RBBP6: variants seen among roughly 807,000 people sequenced by gnomAD.
RBBP6 encodes the protein E3 ubiquitin-protein ligase RBBP6.
A neutral mutation model predicts 167.7 loss-of-function variants in RBBP6; 25 were observed. The observed-to-expected ratio is 0.15, with a 90% CI of 0.11 to 0.21. The LOEUF (loss-of-function observed/expected upper bound fraction) is 0.21. Among genes scored for constraint, RBBP6 ranks in the 10% least tolerant of loss-of-function variants. The probability of loss-of-function intolerance (pLI) is 1.00; values close to 1 mark genes in which losing one functional copy is unlikely to be tolerated. For missense variants in RBBP6, 1,868 were observed against 2,134.2 expected (o/e 0.88, Z 2.46); for synonymous variants, 789 against 735.8 (o/e 1.07, Z -1.17).
intron 1 of RBBP6, among the ~76,000 whole-genome samples, chr16:24,541,248 G>T (rs777850723): frequency 1.3e-5 from 2 of 149,012 alleles, no homozygotes; most frequent in Non-Finnish European, 3.0e-5. Flanking sequence ...GGAGTTTGAT[G>T]GCAAATTTTA....
At chr16:24,550,965 C>T (rs762737456) in intron 3 of RBBP6, among the ~76,000 whole-genome samples, 3 of 151,760 alleles carry the variant, frequency 2.0e-5, no homozygotes, top group Non-Finnish European at 4.4e-5. Context: ...GGCGCTAAGC[C>T]AAATTTTTCT....
intron 2 of RBBP6, among the ~76,000 whole-genome samples, chr16:24,548,180 G>A (rs1036070571): frequency 6.6e-6 from 1 of 152,014 alleles, no homozygotes; most frequent in Non-Finnish European, 1.5e-5. Context: ...TTCCTGTGTG[G>A]ATTAAAATAA....
chr16:24,551,592 T>C (rs1205424060), intron 3 of RBBP6, among the ~76,000 whole-genome samples: 4 of 151,664 alleles, frequency 2.6e-5, no homozygotes, highest in African/African-American at 9.7e-5. Flanking sequence ...ATAATACTAA[T>C]AAGTTAGCAG....
Position 24,563,493 on chromosome 16 carries a change from C to G in RBBP6, c.1457C>G (p.Pro486Arg). 6.2e-7 allele frequency: 1 copy of G among 1,613,118 alleles called. No homozygotes were observed. The highest frequency in any genetic ancestry group is 1.1e-5 in the South Asian group (1 of 91,010). ...GQSLLHGQLI[P>R]TTGPVRINTA... ...TCATTATTGCATGGACAGTTGATCC[C>G]CACAACTGGTGAGTAAGATCACTTT... Residue 486 changes from proline (P) to arginine (R), a missense_variant, in exon 12 of 18, where the codon CCC becomes CGC. Around this residue, in one of 7 missense-constraint regions of RBBP6, gnomAD observed 245 missense variants for 240.1 expected, o/e 1.02. Transcript: ENST00000319715.
chr16:24,570,359 A>T lies in RBBP6; in HGVS notation c.3669A>T (p.Glu1223Asp). The change falls in exon 17 of 18, where the codon GAA becomes GAT. Residue 1223 changes from glutamate to aspartate, a missense_variant. Glu to Asp is a conservative substitution (Grantham distance 45). Transcript: ENST00000319715. ...RETGKKIGST[E>D]NISNTKEPSE... ...CTGGGAAGAAAATTGGAAGTACAGA[A>T]AATATATCAAACACAAAAGAACCCT... The T allele has an allele frequency of 6.2e-7, 1 of 1,613,124 alleles. No individual in the cohort carries two copies. Among genetic ancestry groups the T allele is most frequent in the Admixed American group, 1.7e-5 (1 of 59,758 alleles).
chr16:24,542,413 G>A (rs1261452320), intron 1 of RBBP6, among the ~76,000 whole-genome samples: 1 of 151,776 alleles, frequency 6.6e-6, no homozygotes, highest in Non-Finnish European at 1.5e-5. Context: ...GAATCATTAG[G>A]GCTAGGCGTT....
chr16:24,571,656 A>G lies in RBBP6; in HGVS notation c.4590A>G (p.Lys1530=). The G allele has an allele frequency of 6.2e-7, 1 of 1,613,574 alleles. No individual in the cohort carries two copies. The highest frequency in any genetic ancestry group is 8.5e-7 in the Non-Finnish European group (1 of 1,179,906). The part of the protein sequence containing the change: ...DLPKKGTGDS[K]KSNSSPSRDR... ...CTAAAAAAGGAACAGGAGATTCCAA[A>G]AAAAGTAATTCTAGTCCCTCAAGAG... is the stretch of plus-strand genomic sequence containing the variant. Residue 1530 remains lysine, a synonymous_variant, in exon 18 of 18, where the codon AAA becomes AAG. Transcript: ENST00000319715.
chr16:24,539,901 C>T lies in RBBP6; in HGVS notation c.-726C>T, dbSNP rs892991466. ...TCCGAGGCCTCGCCGAGGCCTAGCG[C>T]CGGCTTTGTGTCCGAGGCGGCGGCG... On this transcript the variant is annotated 5_prime_UTR_variant, in exon 1 of 18. Transcript: ENST00000319715. 9.1e-5 allele frequency: 14 copies of T among 153,152 alleles called. No homozygotes were observed. Among genetic ancestry groups the T allele is most frequent in the African/African-American group, 3.4e-4 (14 of 41,584 alleles). 9.5% of individuals were successfully genotyped at this position (153,152 alleles called of 1,614,324 possible).
chr16:24,555,514 T>C, intron 4 of RBBP6, 101 bp from the exon 5 acceptor site: 2 of 865,526 alleles, frequency 2.3e-6, no homozygotes, highest in South Asian at 3.4e-5. Flanking sequence ...TATGCAAGAT[T>C]AGTTAGATAC....
chr16:24,551,937 A>G (rs1394011538), intron 3 of RBBP6, among the ~76,000 whole-genome samples: 1 of 151,806 alleles, frequency 6.6e-6, no homozygotes, highest in Non-Finnish European at 1.5e-5. Context: ...AACTTATTTT[A>G]GATAAAAAGA....
chr16:24,544,723 A>G (rs1201445805), intron 1 of RBBP6, among the ~76,000 whole-genome samples: 3 of 152,102 alleles, frequency 2.0e-5, no homozygotes, highest in Non-Finnish European at 2.9e-5. Context: ...GTTAAGGTCC[A>G]TTTTCTTAAT....
At chr16:24,544,290 G>A (rs936271702) in intron 1 of RBBP6, among the ~76,000 whole-genome samples, 2 of 152,098 alleles carry the variant, frequency 1.3e-5, no homozygotes, top group Non-Finnish European at 2.9e-5. Context: ...AAGCTTCCTC[G>A]GAATTTGGGG....
Position 24,540,394 on chromosome 16 carries a change from C to G in RBBP6, c.-233C>G. ...GCGGATTCTCGATTTCCCCTCTTCC[C>G]CGTCCTCGTCCTCCTCCTCCCCCAT... On this transcript the variant is annotated 5_prime_UTR_variant, in exon 1 of 18. Transcript: ENST00000319715. 1 of 416,466 alleles carries G rather than the reference C, an allele frequency of 2.4e-6. No individual in the cohort carries two copies. Among genetic ancestry groups the G allele is most frequent in the Admixed American group, 4.1e-5 (1 of 24,386 alleles). The allele number at this position is 416,466 out of a possible 1,614,324, so 25.8% of individuals were successfully genotyped here. A position where few individuals can be genotyped will look rare whatever the true frequency, so the allele number is the denominator to read the frequency against.
chr16:24,541,917 G>A (rs1411937825), intron 1 of RBBP6, among the ~76,000 whole-genome samples: 2 of 152,186 alleles, frequency 1.3e-5, no homozygotes. Flanking sequence ...CCAGCCTGTA[G>A]TTTAGGTAGA....
intron 6 of RBBP6, 139 bp downstream of exon 6, chr16:24,556,056 A>G (rs1898905654): frequency 1.1e-6 from 1 of 901,856 alleles, no homozygotes; most frequent in Non-Finnish European, 1.7e-6. Flanking sequence ...CAAATTTGCC[A>G]GGCTTCAAAT....
chr16:24,550,347 TG>T (rs1049571217), intron 3 of RBBP6, among the ~76,000 whole-genome samples: 7 of 148,482 alleles, frequency 4.7e-5, no homozygotes, highest in African/African-American at 1.7e-4. Flanking sequence ...TTTTTGGATA[TG>T]GGGTGTTTTT....
In RBBP6 at chr16:24,569,707, A is replaced by G; in HGVS notation, c.3017A>G (p.Lys1006Arg). ...TTTAAATCAGTGTCTGAAAAAGACA[A>G]GAGAGAAAGGGATAAACCAAAAGCA... ...ITFKSVSEKDKRERDKPKAKG... is the reference protein window; with the variant it reads ...ITFKSVSEKDRRERDKPKAKG... Residue 1006 changes from lysine to arginine, a missense_variant, in exon 17 of 18, where the codon AAG becomes AGG. By Grantham distance (26) the Lys-to-Arg change is conservative. Coordinates refer to ENST00000319715, the MANE Select transcript of RBBP6 (RefSeq NM_006910.5). 1.2e-6 allele frequency: 2 copies of G among 1,614,138 alleles called. No individual in the cohort carries two copies. The highest frequency in any genetic ancestry group is 1.7e-6 in the Non-Finnish European group (2 of 1,180,028).
In RBBP6 at chr16:24,540,616, C is replaced by T. The variant is rs370909236; in HGVS notation, c.-11C>T. 18 of 1,608,454 alleles carry T rather than the reference C, an allele frequency of 1.1e-5. No homozygotes were observed. The African/African-American group carries it at 1.9e-4, about 17-fold the overall frequency. ...CGTCTCCTCGCTGAACCTTAGGAATCCCTTGGCACCATGTCCTGTGTGCAT... is the reference window on the plus strand; with the variant it reads ...CGTCTCCTCGCTGAACCTTAGGAATTCCTTGGCACCATGTCCTGTGTGCAT... On this transcript the variant is annotated 5_prime_UTR_variant, in exon 1 of 18. Coordinates refer to ENST00000319715, the MANE Select transcript of RBBP6 (RefSeq NM_006910.5).
chr16:24,545,274 G>A (rs1195573366), intron 1 of RBBP6, among the ~76,000 whole-genome samples: 7 of 152,034 alleles, frequency 4.6e-5, no homozygotes, highest in African/African-American at 9.7e-5. Flanking sequence ...GGGTTTCACC[G>A]TGTTAGCCAG....
Sources: allele counts gnomAD v4.1 joint callset (sites outside exome capture counted in the v4.1 genomes callset), GRCh38; gene constraint gnomAD v4.1.1; regional missense constraint gnomAD v4.1.1; transcripts MANE v1.5; gene names NCBI Gene and HGNC (gene_info 2026-07-23, HGNC 2026-07-21).